TMEM74B: variants seen among roughly 807,000 people sequenced by gnomAD.
TMEM74B encodes the protein transmembrane protein C20orf46.
TMEM74B carries 7 observed loss-of-function variants against 6.5 expected under a neutral mutation model. That is an observed-to-expected ratio of 1.07 (90% CI 0.61 to 2.01). The LOEUF (loss-of-function observed/expected upper bound fraction) is 2.01, where lower values mean the gene tolerates loss of function less well. Ranked by LOEUF, TMEM74B falls within the 30% of genes most tolerant of loss-of-function variation. TMEM74B has a pLI of 0.00. For synonymous variants in TMEM74B, 151 were observed against 151.6 expected (o/e 1.00, Z 0.03); for missense variants, 342 against 337.0 (o/e 1.01, Z -0.12).
chr20:1,188,989 C>T (rs1432415564), upstream of TMEM74B, among the ~76,000 whole-genome samples: 1 of 2,498 alleles, frequency 4.0e-4, no homozygotes, highest in East Asian at 4.2e-3. Context: ...GCTGGGGTGG[C>T]GGGGCGGGGG....
At position 1,181,368 on chromosome 20, in the gene TMEM74B, G is replaced by T. The variant is rs754873408; in HGVS notation, c.251C>A (p.Ser84Ter). 1 of 1,552,580 alleles carries T rather than the reference G, an allele frequency of 6.4e-7. No individual in the cohort carries two copies. Among genetic ancestry groups the T allele is most frequent in the Non-Finnish European group, 8.7e-7 (1 of 1,147,256 alleles). ...GGAGACACCCCCAGGGGGACTGGGTGAGCTGCCCAGTCTCGTGTTCCCAGG... is the reference window on the plus strand; with the variant it reads ...GGAGACACCCCCAGGGGGACTGGGTTAGCTGCCCAGTCTCGTGTTCCCAGG... ...QNPGNTRLGS[S>*]PSPPGGVSSL... Residue 84 changes from serine to a stop codon, truncating the protein, a stop_gained, in exon 3 of 3, where the codon TCA becomes TAA. Coordinates refer to ENST00000429036, the MANE Select transcript of TMEM74B (RefSeq NM_001304748.2). LOFTEE classifies it high-confidence loss of function. This position sits in a 1 kb window ranked among gnomAD's most constrained non-coding sequence, Gnocchi z 4.9.
At chr20:1,183,256 G>A (rs114335576) in intron 2 of TMEM74B, among the ~76,000 whole-genome samples, 3,650 of 151,868 alleles carry the variant, frequency 0.024, 165 homozygotes, top group African/African-American at 0.084. Context: ...TTCTCATGCC[G>A]GAGTTTATTC....
At chr20:1,182,542 A>AAAC (rs1042740765) in intron 2 of TMEM74B, among the ~76,000 whole-genome samples, 5 of 152,126 alleles carry the variant, frequency 3.3e-5, no homozygotes, top group Non-Finnish European at 5.9e-5. Flanking sequence ...GGCATGGCTA[A>AAAC]AAGGGCCAAG....
chr20:1,183,648 C>CGATCCGGCA (rs1260181565), intron 2 of TMEM74B, 123 bp downstream of exon 2: 1 of 1,197,584 alleles, frequency 8.4e-7, no homozygotes, highest in Non-Finnish European at 1.2e-6. Context: ...CCCTCACCAG[C>CGATCCGGCA]CCCACGATCC....
upstream of TMEM74B, chr20:1,189,336 C>CCCTTG (rs1179142588): frequency 1.3e-5 from 2 of 152,058 alleles, no homozygotes; most frequent in African/African-American, 4.8e-5. The surrounding 1 kb of genome is among the most constrained non-coding windows in gnomAD (Gnocchi z 4.5). Flanking sequence ...TAGTGTGGTA[C>CCCTTG]CCTTGATAGA....
At position 1,181,685 on chromosome 20, in the gene TMEM74B, C is replaced by T; in HGVS notation, c.32-98G>A. On this transcript the variant is annotated intron_variant, in intron 2 of 2. Coordinates refer to ENST00000429036, the MANE Select transcript of TMEM74B (RefSeq NM_001304748.2). The surrounding 1 kb of genome is among the most constrained non-coding windows in gnomAD (Gnocchi z 4.9). Reference sequence around the variant, plus strand: ...TAAGCACATGAAGGTGAGTCAGGCACAATTCCCACTTGGGGGTGTCTGCCA... The same window carrying T: ...TAAGCACATGAAGGTGAGTCAGGCATAATTCCCACTTGGGGGTGTCTGCCA... The T allele has an allele frequency of 1.5e-6, 2 of 1,320,242 alleles. No individual in the cohort carries two copies. Among genetic ancestry groups the T allele is most frequent in the South Asian group, 4.7e-5 (2 of 42,354 alleles). The allele number at this position is 1,320,242 out of a possible 1,614,324, so 81.8% of individuals were successfully genotyped here.
At position 1,183,814 on chromosome 20, in the gene TMEM74B, C is replaced by T. The variant is rs918292095; in HGVS notation, c.-13G>A. The T allele has an allele frequency of 4.3e-6, 7 of 1,613,836 alleles. No homozygotes were observed. The highest frequency in any genetic ancestry group is 5.9e-6 in the Non-Finnish European group (7 of 1,179,930). ...GTGCTGGTGGCATCACTCCACCAGC[C>T]TTCCCTGGCTCTGCATCCCTCACTC... On this transcript the variant is annotated 5_prime_UTR_variant, in exon 2 of 3. Transcript: ENST00000429036.
chr20:1,181,187 G>A lies in TMEM74B; in HGVS notation c.432C>T (p.Pro144=), dbSNP rs1055328234. ...ILLVVTAYAI[P]REARVNPDTV... The stretch of plus-strand genomic sequence containing the variant: ...TGTCCGGATTGACTCGAGCCTCACG[G>A]GGGATGGCGTATGCTGTCACCACCA... Residue 144 remains proline, a synonymous_variant, in exon 3 of 3, where the codon CCC becomes CCT. Coordinates refer to ENST00000429036, the MANE Select transcript of TMEM74B (RefSeq NM_001304748.2). This position sits in a 1 kb window ranked among gnomAD's most constrained non-coding sequence, Gnocchi z 4.9. 4.3e-6 allele frequency: 7 copies of A among 1,614,196 alleles called. No homozygotes were observed. The highest frequency in any genetic ancestry group is 5.9e-6 in the Non-Finnish European group (7 of 1,180,032).
At chr20:1,188,683 A>G (rs2087047147), upstream of TMEM74B, among the ~76,000 whole-genome samples, 1 of 151,914 alleles carries the variant, frequency 6.6e-6, no homozygotes, top group Non-Finnish European at 1.5e-5. Context: ...CACACACACA[A>G]ATGGTGGGGG....
upstream of TMEM74B, among the ~76,000 whole-genome samples, chr20:1,188,155 TACAC>T (rs138460101): frequency 1.8e-3 from 260 of 141,224 alleles, 2 homozygotes; most frequent in South Asian, 3.7e-3. Flanking sequence ...ATATATATAA[TACAC>T]ACACACACAC....
At chr20:1,182,988 T>C (rs915887075) in intron 2 of TMEM74B, among the ~76,000 whole-genome samples, 6 of 152,218 alleles carry the variant, frequency 3.9e-5, no homozygotes, top group Admixed American at 6.5e-5. Flanking sequence ...CGCCTGGAGT[T>C]GGCAATCGGG....
At chr20:1,186,683 G>A (rs2087026240), upstream of TMEM74B, among the ~76,000 whole-genome samples, 1 of 152,124 alleles carries the variant, frequency 6.6e-6, no homozygotes, top group African/African-American at 2.4e-5. Context: ...CCAAAGTTCT[G>A]TGCAGCCCTC....
rs2086851927 is a variant in TMEM74B at position 1,181,125 on chromosome 20, T to C, written c.494A>G (p.Tyr165Cys). 1.9e-6 allele frequency: 3 copies of C among 1,613,936 alleles called. No homozygotes were observed. The highest frequency in any genetic ancestry group is 1.7e-6 in the Non-Finnish European group (2 of 1,179,998). ...TAREMERLEM[Y>C]YARLGSHLDR... ...CAGGTGGGAGCCTAGGCGGGCGTAGTACATCTCCAGTCGTTCCATCTCCCG... is the reference window on the plus strand; with the variant it reads ...CAGGTGGGAGCCTAGGCGGGCGTAGCACATCTCCAGTCGTTCCATCTCCCG... The change falls in exon 3 of 3, where the codon TAC becomes TGC. Residue 165 changes from tyrosine (Y) to cysteine (C), a missense_variant. By Grantham distance (194) the Tyr-to-Cys change is radical (BLOSUM62 -2). Coordinates refer to ENST00000429036, the MANE Select transcript of TMEM74B (RefSeq NM_001304748.2). The surrounding 1 kb of genome is among the most constrained non-coding windows in gnomAD (Gnocchi z 4.9).
rs142394583 is a variant in TMEM74B, at chr20:1,183,290, CTGTGTGTGTGTG to C, written c.31+469_31+480del. On this transcript the variant is annotated intron_variant, in intron 2 of 2. Coordinates refer to ENST00000429036, the MANE Select transcript of TMEM74B (RefSeq NM_001304748.2). ...TCTCCAGTGCACTGTGGTTCGTTCT[CTGTGTGTGTGTG>C]TGTGTGTGTGTGTTTGTGTGTGTGT... is the stretch of plus-strand genomic sequence containing the variant. Among the ~76,000 whole-genome samples the C allele has an allele frequency of 2.2e-3, 330 of 149,316 alleles. 1 individual carries two copies. Among genetic ancestry groups the C allele is most frequent in the Admixed American group, 3.6e-3 (54 of 15,058 alleles).
In TMEM74B at chr20:1,181,562, C is replaced by T; in HGVS notation, c.57G>A (p.Leu19=). ...GAGATGCCATTGGGAAGGAGGGCCC[C>T]AGCTCATCCCTTGGCCCCTTGGCAG... ...FAAAKGPRDE[L]GPSFPMASPP... Residue 19 remains leucine (L), a synonymous_variant, in exon 3 of 3, where the codon CTG becomes CTA. Transcript: ENST00000429036. The surrounding 1 kb of genome is among the most constrained non-coding windows in gnomAD (Gnocchi z 4.9). 6.8e-7 allele frequency: 1 copy of T among 1,469,696 alleles called. No homozygotes were observed. The allele number at this position is 1,469,696 out of a possible 1,614,324, so 91.0% of individuals were successfully genotyped here.
rs2086838398 is a variant in TMEM74B at position 1,180,718 on chromosome 20, ACTTCTT to A, written c.*124_*129del. The stretch of plus-strand genomic sequence containing the variant: ...CCGAGCTCTCCCTCCAGCACCCAGT[ACTTCTT>A]CCACAAGGCCCTATGTGAGCTCAGT... On this transcript the variant is annotated 3_prime_UTR_variant, in exon 3 of 3. Coordinates refer to ENST00000429036, the MANE Select transcript of TMEM74B (RefSeq NM_001304748.2). The surrounding 1 kb of genome is among the most constrained non-coding windows in gnomAD (Gnocchi z 6.1). The A allele has an allele frequency of 1.5e-6, 2 of 1,323,606 alleles. No individual in the cohort carries two copies. Among genetic ancestry groups the A allele is most frequent in the African/African-American group, 3.0e-5 (2 of 67,698 alleles). 82.0% of individuals were successfully genotyped at this position (1,323,606 alleles called of 1,614,324 possible).
At chr20:1,188,849 A>T (rs1224591887), upstream of TMEM74B, among the ~76,000 whole-genome samples, 5 of 152,190 alleles carry the variant, frequency 3.3e-5, no homozygotes, top group Non-Finnish European at 7.3e-5. Flanking sequence ...GAAAAGAGAA[A>T]TCTCCCATGC....
In TMEM74B at chr20:1,180,672, G is replaced by A. The variant is rs1040751286; in HGVS notation, c.*176C>T. 17 of 771,224 alleles carry A rather than the reference G, an allele frequency of 2.2e-5. No homozygotes were observed. Among genetic ancestry groups the A allele is most frequent in the South Asian group, 6.9e-5 (2 of 28,920 alleles). 47.8% of individuals were successfully genotyped at this position (771,224 alleles called of 1,614,324 possible). A position where few individuals can be genotyped will look rare whatever the true frequency, so the allele number is the denominator to read the frequency against. On this transcript the variant is annotated 3_prime_UTR_variant, in exon 3 of 3. Transcript: ENST00000429036. This position sits in a 1 kb window ranked among gnomAD's most constrained non-coding sequence, Gnocchi z 6.1. ...AAACAGATCAGTGGGCTGCTTGCCC[G>A]TGTGGGGCATGGGCTGGGCCCCGAG...
At chr20:1,182,476 G>A (rs1284297274) in intron 2 of TMEM74B, among the ~76,000 whole-genome samples, 4 of 152,030 alleles carry the variant, frequency 2.6e-5, no homozygotes, top group African/African-American at 7.3e-5. Context: ...CTGATGAGAT[G>A]GGAGGGGGCA....
Sources: allele counts gnomAD v4.1 joint callset (sites outside exome capture counted in the v4.1 genomes callset), GRCh38; gene constraint gnomAD v4.1.1; non-coding constraint Gnocchi (gnomAD v3.1); transcripts MANE v1.5; gene names NCBI Gene and HGNC (gene_info 2026-07-23, HGNC 2026-07-21).